UPF2: variants seen among roughly 807,000 people sequenced by gnomAD.
The protein encoded by UPF2 is UPF2 regulator of nonsense mediated mRNA decay.
In UPF2, 17 loss-of-function variants were observed where a neutral mutation model predicts 141.4. The ratio of observed to expected loss-of-function variants is 0.12; its 90% CI spans 0.08 to 0.18. The LOEUF (loss-of-function observed/expected upper bound fraction) is 0.18, where lower values mean the gene tolerates loss of function less well. UPF2 is among the 10% of genes least tolerant of loss of function. The pLI is 1.00. For synonymous variants in UPF2, 540 were observed against 498.0 expected (o/e 1.08, Z -1.12); for missense variants, 1,152 against 1,515.9 (o/e 0.76, Z 3.99).
chr10:11,943,889 A>G (rs1021169021), intron 16 of UPF2, among the ~76,000 whole-genome samples: 3 of 151,928 alleles, frequency 2.0e-5, no homozygotes, highest in Non-Finnish European at 4.4e-5. Flanking sequence ...AAGATGGGGC[A>G]GAGCACCGAG....
rs1405467518 is a variant in UPF2 at position 12,042,417 on chromosome 10, TCTC to T, written c.-19+335_-19+337del. On this transcript the variant is annotated intron_variant, in intron 1 of 21. Coordinates refer to ENST00000357604, the MANE Select transcript of UPF2 (RefSeq NM_015542.4). The surrounding 1 kb of genome is among the most constrained non-coding windows in gnomAD (Gnocchi z 5.5). ...GGAGCTTCCCCCGACCTCCCCTCGC[TCTC>T]CTCCACGCCCCCGAACACTTTCGCC... Among the ~76,000 whole-genome samples the T allele has an allele frequency of 6.6e-6, 1 of 151,060 alleles. No homozygotes were observed. The highest frequency in any genetic ancestry group is 1.5e-5 in the Non-Finnish European group (1 of 67,736).
chr10:11,990,256 T>TC (rs1833757432), intron 8 of UPF2, among the ~76,000 whole-genome samples: 1 of 152,180 alleles, frequency 6.6e-6, no homozygotes, highest in South Asian at 2.1e-4. Context: ...CCACTTATCC[T>TC]CAAGTTCTAC....
In UPF2 at chr10:12,035,209, C is replaced by A; in HGVS notation, c.215G>T (p.Arg72Leu). Residue 72 changes from arginine to leucine, a missense_variant, in exon 2 of 22, where the codon CGC becomes CTC. Physicochemically the swap from Arg to Leu is moderately radical, Grantham distance 102. Around this residue, in one of 4 missense-constraint regions of UPF2, gnomAD observed 145 missense variants for 136.5 expected, o/e 1.06. Transcript: ENST00000357604. ...CACCTTTTCTTCGTCTTTTTTCTTG[C>A]GTTCCTTGTCTTCCTTTTTTCTCTT... is the stretch of plus-strand genomic sequence containing the variant. ...DDKRKKEDKE[R>L]KKKDEEKVKA... 1 of 1,612,934 alleles carries A rather than the reference C, an allele frequency of 6.2e-7. No individual in the cohort carries two copies. The highest frequency in any genetic ancestry group is 8.5e-7 in the Non-Finnish European group (1 of 1,179,814).
chr10:11,931,879 G>T lies in UPF2; in HGVS notation c.3547-97C>A. 10 of 1,361,384 alleles carry T rather than the reference G, an allele frequency of 7.3e-6. No homozygotes were observed. The highest frequency in any genetic ancestry group is 9.9e-6 in the Non-Finnish European group (10 of 1,008,350). 84.3% of individuals were successfully genotyped at this position (1,361,384 alleles called of 1,614,324 possible). A position where few individuals can be genotyped will look rare whatever the true frequency, so the allele number is the denominator to read the frequency against. ...AAAATAGCAAGTACAGGCTGGGCAC[G>T]GTGGCTCACGCCTGTAATCCCAGCA... On this transcript the variant is annotated intron_variant, in intron 19 of 21. Transcript: ENST00000357604. This position sits in a 1 kb window ranked among gnomAD's most constrained non-coding sequence, Gnocchi z 5.9.
chr10:11,944,010 CAA>C (rs59692209), intron 16 of UPF2, among the ~76,000 whole-genome samples: 12 of 143,178 alleles, frequency 8.4e-5, no homozygotes, highest in Admixed American at 2.8e-4. Context: ...AAAAAACAAA[CAA>C]AAAAAAAAAA....
chr10:12,035,812 T>C (rs1834615645), intron 1 of UPF2: 1 of 156,684 alleles, frequency 6.4e-6, no homozygotes, highest in African/African-American at 2.4e-5. Flanking sequence ...TGTGAACATT[T>C]TGAGTCAGCT....
intron 8 of UPF2, among the ~76,000 whole-genome samples, chr10:11,983,925 A>G (rs1833642280): frequency 1.3e-5 from 2 of 151,968 alleles, no homozygotes; most frequent in Non-Finnish European, 2.9e-5. Context: ...AAATTAATTG[A>G]TAACTTTTTT....
At chr10:11,964,395 C>T (rs1833286762) in intron 10 of UPF2, among the ~76,000 whole-genome samples, 2 of 152,210 alleles carry the variant, frequency 1.3e-5, no homozygotes, top group Admixed American at 6.5e-5. Context: ...TATTTAAACA[C>T]ATGCCACATA....
At chr10:12,012,536 TTGGG>T (rs1357150322) in intron 4 of UPF2, among the ~76,000 whole-genome samples, 3 of 151,984 alleles carry the variant, frequency 2.0e-5, no homozygotes, top group Non-Finnish European at 4.4e-5. Context: ...TCTCAGCACA[TTGGG>T]AGGCCGAGGT....
chr10:12,009,006 G>A (rs1371848368), intron 4 of UPF2, among the ~76,000 whole-genome samples: 2 of 151,960 alleles, frequency 1.3e-5, no homozygotes, highest in Non-Finnish European at 2.9e-5. Context: ...CCATGTCCCT[G>A]CAAAGGACAT....
intron 8 of UPF2, among the ~76,000 whole-genome samples, chr10:11,988,170 T>C (rs773343735): frequency 6.6e-6 from 1 of 152,232 alleles, no homozygotes; most frequent in Non-Finnish European, 1.5e-5. Context: ...CAACGTCATA[T>C]GTCATTAGGG....
At chr10:11,990,844 T>C (rs1388851337) in intron 8 of UPF2, among the ~76,000 whole-genome samples, 2 of 148,700 alleles carry the variant, frequency 1.3e-5, no homozygotes, top group East Asian at 2.0e-4. Flanking sequence ...AAATATTAGC[T>C]GGGCGTGGTG....
At chr10:11,952,664 C>T (rs577554170) in intron 14 of UPF2, among the ~76,000 whole-genome samples, 12 of 151,788 alleles carry the variant, frequency 7.9e-5, no homozygotes, top group Admixed American at 2.6e-4. Flanking sequence ...TTAGTGGAGA[C>T]GGGGTTTCAC....
chr10:11,936,501 A>T lies in UPF2; in HGVS notation c.3546+44T>A. On this transcript the variant is annotated intron_variant, in intron 19 of 21. Coordinates refer to ENST00000357604, the MANE Select transcript of UPF2 (RefSeq NM_015542.4). This position sits in a 1 kb window ranked among gnomAD's most constrained non-coding sequence, Gnocchi z 6.6. Reference sequence around the variant, plus strand: ...CAAAGATAAGTTAAAACCTAACTGTATAACTCACAATCAGCTATAATTACA... The same window carrying T: ...CAAAGATAAGTTAAAACCTAACTGTTTAACTCACAATCAGCTATAATTACA... The T allele has an allele frequency of 6.5e-7, 1 of 1,542,760 alleles. No homozygotes were observed. The highest frequency in any genetic ancestry group is 1.3e-5 in the South Asian group (1 of 76,586).
At chr10:11,955,804 C>T (rs559720522) in intron 13 of UPF2, among the ~76,000 whole-genome samples, 1 of 152,182 alleles carries the variant, frequency 6.6e-6, no homozygotes, top group Non-Finnish European at 1.5e-5. Context: ...ATTTTCTCTG[C>T]CATCAGTGAA....
chr10:11,934,105 C>T (rs1169499063), intron 19 of UPF2, among the ~76,000 whole-genome samples: 1 of 152,016 alleles, frequency 6.6e-6, no homozygotes, highest in East Asian at 1.9e-4. Context: ...GAGGAGGAAG[C>T]TAAGAGTTTT....
chr10:12,004,675 G>A lies in UPF2; in HGVS notation c.1359C>T (p.Asp453=), dbSNP rs113521690. The part of the protein sequence containing the change: ...IFTPGKPGEY[D]LEGGIWEDED... The stretch of plus-strand genomic sequence containing the variant: ...CATCTTCCCATATACCACCTTCCAA[G>A]TCATATTCTCCAGGTTTACCAGGTG... The change falls in exon 5 of 22, where the codon GAC becomes GAT. Residue 453 remains aspartate (D), a synonymous_variant. Coordinates refer to ENST00000357604, the MANE Select transcript of UPF2 (RefSeq NM_015542.4). The A allele has an allele frequency of 2.5e-6, 4 of 1,613,720 alleles. No individual in the cohort carries two copies. In the African/African-American group the frequency reaches 4.0e-5, roughly 16 times the overall value.
upstream of UPF2, chr10:12,043,018 G>C (rs1834768492): frequency 6.6e-6 from 1 of 152,274 alleles, no homozygotes; most frequent in African/African-American, 2.4e-5. Context: ...TCTTCCCTGC[G>C]GCATGCCGAT....
At position 11,928,809 on chromosome 10, in the gene UPF2, T is replaced by C. The variant is rs1292085807; in HGVS notation, c.3809+1056A>G. 5.7e-5 allele frequency: 12 copies of C among 209,954 alleles called. No individual in the cohort carries two copies. In the Admixed American group the frequency reaches 6.4e-4, roughly 11 times the overall value. 13.0% of individuals were successfully genotyped at this position (209,954 alleles called of 1,614,324 possible). A position where few individuals can be genotyped will look rare whatever the true frequency, so the allele number is the denominator to read the frequency against. ...TTTAAATTATCTCACATTAAACAAT[T>C]TAACTTTAAGTGGAACTGGTAGGAA... On this transcript the variant is annotated intron_variant, in intron 21 of 21. Coordinates refer to ENST00000357604, the MANE Select transcript of UPF2 (RefSeq NM_015542.4).
Sources: allele counts gnomAD v4.1 joint callset (sites outside exome capture counted in the v4.1 genomes callset), GRCh38; gene constraint gnomAD v4.1.1; regional missense constraint gnomAD v4.1.1; non-coding constraint Gnocchi (gnomAD v3.1); transcripts MANE v1.5; gene names NCBI Gene and HGNC (gene_info 2026-07-23, HGNC 2026-07-21).